Variants in FMN2 observed in about 807,000 individuals in gnomAD.
The protein encoded by FMN2 is formin-2.
A neutral mutation model predicts 142.3 loss-of-function variants in FMN2; 51 were observed. The observed-to-expected ratio is 0.36, with a 90% confidence interval of 0.29 to 0.45. The LOEUF (loss-of-function observed/expected upper bound fraction) is 0.45, where lower values mean the gene tolerates loss of function less well. FMN2 is among the 20% of genes least tolerant of loss of function. FMN2 has a pLI of 1.00. For synonymous variants in FMN2, 882 were observed against 869.8 expected (o/e 1.01, Z -0.25); for missense variants, 1,936 against 2,122.8 (o/e 0.91, Z 1.73).
At chr1:240,383,174 A>G (rs1673287949) in intron 14 of FMN2, among the ~76,000 whole-genome samples, 1 of 152,186 alleles carries the variant, frequency 6.6e-6, no homozygotes. Context: ...AAGAAAACCT[A>G]GGAAAAATTC....
chr1:240,254,553 C>A (rs1012985395), intron 6 of FMN2, among the ~76,000 whole-genome samples: 1 of 151,994 alleles, frequency 6.6e-6, no homozygotes, highest in South Asian at 2.1e-4. Context: ...CCCCAGGTCC[C>A]CCCTACCCCT....
intron 14 of FMN2, among the ~76,000 whole-genome samples, chr1:240,383,306 A>G (rs1673293001): frequency 6.6e-6 from 1 of 152,184 alleles, no homozygotes; most frequent in Non-Finnish European, 1.5e-5. Flanking sequence ...CAGAAGAGAT[A>G]ATTGACAGAG....
chr1:240,194,005 A>G (rs1665813920), intron 4 of FMN2, among the ~76,000 whole-genome samples: 1 of 152,022 alleles, frequency 6.6e-6, no homozygotes, highest in Non-Finnish European at 1.5e-5. Context: ...GGCTTGTTCC[A>G]ACCCTAAAAA....
At chr1:240,377,310 AG>A (rs1473321127) in intron 14 of FMN2, among the ~76,000 whole-genome samples, 1 of 130,878 alleles carries the variant, frequency 7.6e-6, no homozygotes, top group East Asian at 2.4e-4. Flanking sequence ...CTCAGTTAAC[AG>A]GTTTTTTTTT....
At chr1:240,176,273 T>C (rs970309391) in intron 2 of FMN2, among the ~76,000 whole-genome samples, 3 of 152,186 alleles carry the variant, frequency 2.0e-5, no homozygotes, top group Admixed American at 6.5e-5. Flanking sequence ...AAATCTCAAA[T>C]GAAGTTTTGC....
chr1:240,133,600 C>T (rs1002231788), intron 2 of FMN2, among the ~76,000 whole-genome samples: 2 of 152,194 alleles, frequency 1.3e-5, no homozygotes, highest in Non-Finnish European at 2.9e-5. Flanking sequence ...AACTCTTTTG[C>T]CACGCTGAAG....
At chr1:240,136,242 G>A (rs1331802048) in intron 2 of FMN2, among the ~76,000 whole-genome samples, 1 of 152,096 alleles carries the variant, frequency 6.6e-6, no homozygotes, top group Non-Finnish European at 1.5e-5. Context: ...CAAAACGGGT[G>A]ATGTTTTTCC....
intron 14 of FMN2, among the ~76,000 whole-genome samples, chr1:240,373,675 C>T (rs1328903602): frequency 6.6e-6 from 1 of 152,216 alleles, no homozygotes; most frequent in Non-Finnish European, 1.5e-5. Context: ...CTCCACTTCT[C>T]ATTCTAGTTT....
chr1:240,267,659 A>T (rs1668866322), intron 7 of FMN2, among the ~76,000 whole-genome samples: 1 of 151,902 alleles, frequency 6.6e-6, no homozygotes, highest in Non-Finnish European at 1.5e-5. Flanking sequence ...GAGACCTGCA[A>T]CTTTAATTAA....
intron 6 of FMN2, among the ~76,000 whole-genome samples, chr1:240,248,756 C>A (rs1435064076): frequency 1.3e-5 from 2 of 151,764 alleles, no homozygotes; most frequent in Non-Finnish European, 2.9e-5. Flanking sequence ...AAATAATAGT[C>A]ATTTTAACTG....
At chr1:240,184,386 A>ATG (rs1665296020) in intron 3 of FMN2, among the ~76,000 whole-genome samples, 3 of 151,150 alleles carry the variant, frequency 2.0e-5, no homozygotes, top group Non-Finnish European at 4.4e-5. Context: ...GCAGGTGCCC[A>ATG]CCACCAGGCC....
At chr1:240,264,716 C>A (rs540095078) in intron 7 of FMN2, among the ~76,000 whole-genome samples, 25 of 152,220 alleles carry the variant, frequency 1.6e-4, no homozygotes, top group Non-Finnish European at 3.2e-4. Context: ...TGAACTTATT[C>A]TTTTTTATGG....
chr1:240,190,607 A>G (rs1460749518), intron 4 of FMN2, among the ~76,000 whole-genome samples: 1 of 152,236 alleles, frequency 6.6e-6, no homozygotes, highest in African/African-American at 2.4e-5. Context: ...AATAACTTGC[A>G]TCAGATCACA....
chr1:240,170,883 T>G lies in FMN2; in HGVS notation c.1783-7038T>G, dbSNP rs940268267. ...CAAGGGCTAAAGAGTTTGGAGCCAC[T>G]GAATGTATGAACCGTCAGGATTTTA... On this transcript the variant is annotated intron_variant, in intron 2 of 17. Coordinates refer to ENST00000319653, the MANE Select transcript of FMN2 (RefSeq NM_020066.5). 1.1e-5 allele frequency: 9 copies of G among 799,210 alleles called. No homozygotes were observed. In the African/African-American group the frequency reaches 1.3e-4, roughly 12 times the overall value. 49.5% of individuals were successfully genotyped at this position (799,210 alleles called of 1,614,324 possible).
chr1:240,346,736 T>C (rs1472079536), intron 13 of FMN2, among the ~76,000 whole-genome samples: 4 of 144,784 alleles, frequency 2.8e-5, no homozygotes, highest in Non-Finnish European at 4.5e-5. Flanking sequence ...CAGTCAGGAA[T>C]ATGTTTGAAT....
chr1:240,137,749 G>A (rs1663004938), intron 2 of FMN2, among the ~76,000 whole-genome samples: 1 of 152,084 alleles, frequency 6.6e-6, no homozygotes, highest in Admixed American at 6.6e-5. Flanking sequence ...AGGATGCCCG[G>A]AGCCTGGAGC....
At chr1:240,119,912 TACA>T (rs1163934895) in intron 1 of FMN2, among the ~76,000 whole-genome samples, 1 of 152,198 alleles carries the variant, frequency 6.6e-6, no homozygotes, top group Non-Finnish European at 1.5e-5. Context: ...GTAACATGAA[TACA>T]ACAATCTACT....
intron 1 of FMN2, among the ~76,000 whole-genome samples, chr1:240,112,036 A>G (rs1330104323): frequency 6.6e-6 from 1 of 152,166 alleles, no homozygotes; most frequent in Non-Finnish European, 1.5e-5. Flanking sequence ...ATAATTAGGT[A>G]TATAATATGT....
intron 7 of FMN2, among the ~76,000 whole-genome samples, chr1:240,294,378 A>T (rs1481603525): frequency 6.6e-6 from 1 of 152,190 alleles, no homozygotes; most frequent in Non-Finnish European, 1.5e-5. Flanking sequence ...TGCCCCCATC[A>T]TTTTTATACT....
Sources: allele counts gnomAD v4.1 joint callset (sites outside exome capture counted in the v4.1 genomes callset), GRCh38; gene constraint gnomAD v4.1.1; transcripts MANE v1.5; gene names NCBI Gene and HGNC (gene_info 2026-07-23, HGNC 2026-07-21).